Variants in PLCG2 observed in about 807,000 individuals in gnomAD.
PLCG2 encodes the protein 1-phosphatidylinositol 4,5-bisphosphate phosphodiesterase gamma-2.
In PLCG2, 69 loss-of-function variants were observed where a neutral mutation model predicts 175.6. That is an observed-to-expected ratio of 0.39 (90% CI 0.32 to 0.48). The LOEUF (loss-of-function observed/expected upper bound fraction) is 0.48. Ranked by LOEUF, PLCG2 falls within the 20% of genes least tolerant of loss-of-function variation. The pLI, the probability that PLCG2 is intolerant of heterozygous loss-of-function variation, is 0.91. For missense variants in PLCG2, 1,798 were observed against 1,650.9 expected, an observed-to-expected ratio of 1.09 and a Z score of -1.54; for synonymous variants, 827 against 624.0, an observed-to-expected ratio of 1.33 and a Z score of -4.85.
chr16:81,956,637 C>T, intron 31 of PLCG2, 58 bp from the exon 32 acceptor site: 3 of 1,484,902 alleles, frequency 2.0e-6, no homozygotes, highest in Non-Finnish European at 2.8e-6. Flanking sequence ...GCCAGGTTCA[C>T]ATTTTGGTTT....
rs778251162 is a variant in PLCG2, at chr16:81,938,814, G to A, written c.3212G>A (p.Arg1071His). The change falls in exon 29 of 33, where the codon CGC (arginine) becomes CAC (histidine). Residue 1071 changes from arginine (R) to histidine (H), a missense_variant. Arg to His is a conservative substitution (Grantham distance 29). Coordinates refer to ENST00000564138, the MANE Select transcript of PLCG2 (RefSeq NM_002661.5). ...MTLTVKVLGA[R>H]HLPKLGRSIA... The stretch of plus-strand genomic sequence containing the variant: ...TTGGTGTCCCAGGTTCTCGGTGCTC[G>A]CCATCTCCCCAAACTTGGACGAAGT... 2.5e-6 allele frequency: 4 copies of A among 1,610,436 alleles called. No individual in the cohort carries two copies. The highest frequency in any genetic ancestry group is 2.5e-6 in the Non-Finnish European group (3 of 1,177,798).
At chr16:81,773,873 C>T (rs1292543570) in intron 2 of PLCG2, among the ~76,000 whole-genome samples, 1 of 152,094 alleles carries the variant, frequency 6.6e-6, no homozygotes, top group African/African-American at 2.4e-5. Flanking sequence ...CCAAAGCCCC[C>T]TTTTTGTGTT....
At chr16:81,771,672 C>T (rs1402727355) in intron 2 of PLCG2, among the ~76,000 whole-genome samples, 1 of 150,700 alleles carries the variant, frequency 6.6e-6, no homozygotes, top group Non-Finnish European at 1.5e-5. Context: ...GAATTGTGAC[C>T]CCCCCCAACC....
rs370242901 is a variant in PLCG2, at chr16:81,786,138, G to A, written c.149G>A (p.Arg50Gln). 4.3e-6 allele frequency: 7 copies of A among 1,614,028 alleles called. No homozygotes were observed. Among genetic ancestry groups the A allele is most frequent in the East Asian group, 2.2e-5 (1 of 44,884 alleles). ...ACCGTCCAGGTGATCATGGAGACGC[G>A]GCAGGTGGCCTGGAGCAAGACCGCT... The part of the protein sequence containing the change: ...RRTVQVIMET[R>Q]QVAWSKTADK... Residue 50 changes from arginine (R) to glutamine (Q), a missense_variant, in exon 2 of 33, where the codon CGG (arginine) becomes CAG (glutamine). Transcript: ENST00000564138.
intron 21 of PLCG2, chr16:81,921,493 A>C: frequency 1.8e-6 from 1 of 566,742 alleles, no homozygotes; most frequent in East Asian, 3.3e-5. Context: ...TGTTTTGCTA[A>C]AATTCTGAGG....
intron 14 of PLCG2, among the ~76,000 whole-genome samples, chr16:81,903,444 G>C (rs1909235735): frequency 6.6e-6 from 1 of 152,354 alleles, no homozygotes; most frequent in South Asian, 2.1e-4. Context: ...GGCCAAGACT[G>C]TGACCCTTAA....
chr16:81,797,346 G>T (rs1911515484), intron 2 of PLCG2, among the ~76,000 whole-genome samples: 1 of 152,136 alleles, frequency 6.6e-6, no homozygotes, highest in African/African-American at 2.4e-5. Context: ...GCGGGTTTTT[G>T]TATATCAGGC....
At chr16:81,833,164 C>G (rs1026697420) in intron 2 of PLCG2, among the ~76,000 whole-genome samples, 1 of 152,150 alleles carries the variant, frequency 6.6e-6, no homozygotes, top group East Asian at 1.9e-4. Context: ...TGAGAAGAGC[C>G]CACAGCATGA....
At chr16:81,872,621 C>A (rs1356255146) in intron 7 of PLCG2, among the ~76,000 whole-genome samples, 4 of 152,204 alleles carry the variant, frequency 2.6e-5, no homozygotes, top group Admixed American at 6.5e-5. Flanking sequence ...GTAGGTGGCA[C>A]ACATTCAATA....
chr16:81,834,637 C>G (rs1905421279), intron 2 of PLCG2, among the ~76,000 whole-genome samples: 1 of 138,104 alleles, frequency 7.2e-6, no homozygotes, highest in Non-Finnish European at 1.6e-5. Context: ...AGCTGGGGCT[C>G]CTTGAGGGAT....
At chr16:81,743,714 C>T (rs1047452096) in intron 1 of PLCG2, among the ~76,000 whole-genome samples, 1 of 152,168 alleles carries the variant, frequency 6.6e-6, no homozygotes, top group African/African-American at 2.4e-5. Flanking sequence ...AGACAGCCTG[C>T]CTGGAGGTGA....
intron 16 of PLCG2, among the ~76,000 whole-genome samples, chr16:81,908,196 T>G (rs1190298872): frequency 6.6e-6 from 1 of 152,194 alleles, no homozygotes; most frequent in African/African-American, 2.4e-5. Context: ...TGTCTCAGGA[T>G]GCCAGGAGGC....
At chr16:81,952,625 GATA>G (rs1366900477) in intron 31 of PLCG2, among the ~76,000 whole-genome samples, 4 of 152,200 alleles carry the variant, frequency 2.6e-5, no homozygotes, top group Admixed American at 6.5e-5. Flanking sequence ...GCAAAATAAT[GATA>G]ATATCAGATT....
intron 15 of PLCG2, 76 bp from the exon 16 acceptor site, chr16:81,907,609 C>A (rs754915339): frequency 4.1e-6 from 4 of 983,404 alleles, no homozygotes; most frequent in Admixed American, 1.8e-5. Context: ...TGGGGTGACG[C>A]CCTGCAGGGC....
chr16:81,895,637 C>T (rs1306580272), intron 12 of PLCG2, 170 bp from the exon 13 acceptor site: 10 of 645,914 alleles, frequency 1.5e-5, no homozygotes, highest in Non-Finnish European at 2.7e-5. Context: ...TATGTAAGCG[C>T]ACAGGGAACC....
chr16:81,868,638 T>A (rs1007061064), intron 5 of PLCG2, among the ~76,000 whole-genome samples: 1 of 152,264 alleles, frequency 6.6e-6, no homozygotes, highest in Admixed American at 6.5e-5. Flanking sequence ...CCAGGCTTCA[T>A]TGAATTTCTT....
chr16:81,923,533 G>A lies in PLCG2; in HGVS notation c.2356G>A (p.Asp786Asn). Reference protein sequence around the residue: ...ALYDYKAKRSDELSFCRGALI... With the variant: ...ALYDYKAKRSNELSFCRGALI... ...GTATGACTACAAAGCCAAGCGAAGC[G>A]ATGAGCTGAGCTTCTGCCGTGGTGC... Residue 786 changes from aspartate (D) to asparagine (N), a missense_variant, in exon 22 of 33, where the codon GAT becomes AAT. Transcript: ENST00000564138. 1 of 1,613,894 alleles carries A rather than the reference G, an allele frequency of 6.2e-7. No homozygotes were observed. Among genetic ancestry groups the A allele is most frequent in the Non-Finnish European group, 8.5e-7 (1 of 1,179,878 alleles).
At chr16:81,758,804 A>C (rs1909982347) in intron 2 of PLCG2, among the ~76,000 whole-genome samples, 1 of 151,812 alleles carries the variant, frequency 6.6e-6, no homozygotes, top group Non-Finnish European at 1.5e-5. Flanking sequence ...CAGCCTCCCG[A>C]GTAGCTGGGA....
intron 2 of PLCG2, among the ~76,000 whole-genome samples, chr16:81,796,426 C>T (rs548894080): frequency 1.9e-4 from 29 of 152,326 alleles, no homozygotes; most frequent in African/African-American, 3.1e-4. Context: ...TCCTTTGGCA[C>T]GGCCAGCCTT....
Sources: allele counts gnomAD v4.1 joint callset (sites outside exome capture counted in the v4.1 genomes callset), GRCh38; gene constraint gnomAD v4.1.1; transcripts MANE v1.5; gene names NCBI Gene and HGNC (gene_info 2026-07-23, HGNC 2026-07-21).